ACOXL: variants seen among roughly 807,000 people sequenced by gnomAD.
ACOXL encodes acyl-coenzyme A oxidase-like protein.
In ACOXL, 70 loss-of-function variants were observed where a neutral mutation model predicts 71.9. That is an observed-to-expected ratio of 0.97 (90% CI 0.80 to 1.19). The LOEUF is 1.19. ACOXL is among the 50% of genes most tolerant of loss of function. ACOXL has a pLI of 0.00. For missense variants in ACOXL, 703 were observed against 736.3 expected, an observed-to-expected ratio of 0.95 and a Z score of 0.52; for synonymous variants, 253 against 281.6, an observed-to-expected ratio of 0.90 and a Z score of 1.02.
intron 15 of ACOXL, among the ~76,000 whole-genome samples, chr2:111,043,707 T>G (rs1392257288): frequency 6.6e-6 from 1 of 152,008 alleles, no homozygotes; most frequent in East Asian, 1.9e-4. Flanking sequence ...GAAGCCTCAG[T>G]AAGGGAGGTC....
chr2:110,941,688 G>GA (rs2060875513), intron 12 of ACOXL, among the ~76,000 whole-genome samples: 1 of 152,058 alleles, frequency 6.6e-6, no homozygotes, highest in South Asian at 2.1e-4. Context: ...TAAAAGGGAA[G>GA]AAAATCAATC....
chr2:110,822,144 G>A (rs527328039), intron 9 of ACOXL, among the ~76,000 whole-genome samples: 7 of 152,166 alleles, frequency 4.6e-5, no homozygotes, highest in South Asian at 4.2e-4. Flanking sequence ...TGTTTCCTTC[G>A]TGGCTGGGAT....
intron 16 of ACOXL, among the ~76,000 whole-genome samples, chr2:111,076,672 AG>A (rs2067614640): frequency 6.6e-6 from 1 of 151,954 alleles, no homozygotes; most frequent in Non-Finnish European, 1.5e-5. Flanking sequence ...ATGTTGTGTT[AG>A]TTTCCTATGG....
intron 16 of ACOXL, among the ~76,000 whole-genome samples, chr2:111,056,850 G>C (rs1291390204): frequency 6.6e-6 from 1 of 151,620 alleles, no homozygotes. Context: ...GTCAGCAAAA[G>C]GGTCATTTTG....
In ACOXL at chr2:110,799,096, G is replaced by A; in HGVS notation, c.543G>A (p.Lys181=). The A allele has an allele frequency of 6.2e-7, 1 of 1,613,778 alleles. No individual in the cohort carries two copies. The highest frequency in any genetic ancestry group is 1.1e-5 in the South Asian group (1 of 91,064). The change falls in exon 7 of 18, where the codon AAG becomes AAA. Residue 181 remains lysine (K), a synonymous_variant. Coordinates refer to ENST00000439055, the MANE Select transcript of ACOXL (RefSeq NM_001142807.4). The stretch of plus-strand genomic sequence containing the variant: ...TCACAGCTATTGATATGATGTACAA[G>A]GAGGGTGAGTCCCCAGGTGCCCTTT... ...PGVTAIDMMY[K]EGLHGVDNGI... is the part of the protein sequence containing the mutation.
In ACOXL at chr2:110,977,374, A is replaced by T. The variant is rs571606700; in HGVS notation, c.1060-9734A>T. ...ACCCCAGCCTGGGTGACAGAGTGAG[A>T]CTCCGTCTCAAAAAAAAAAAAGAAA... On this transcript the variant is annotated intron_variant, in intron 12 of 17. Transcript: ENST00000439055. Among the ~76,000 whole-genome samples, 112 of 145,934 alleles carry T rather than the reference A, an allele frequency of 7.7e-4. No homozygotes were observed. In the Middle Eastern group the frequency reaches 0.014, roughly 18 times the overall value.
intron 9 of ACOXL, among the ~76,000 whole-genome samples, chr2:110,836,929 T>G (rs1690539524): frequency 6.6e-6 from 1 of 152,214 alleles, no homozygotes; most frequent in Non-Finnish European, 1.5e-5. Context: ...CCAAATCCTG[T>G]TGACATGTTT....
intron 9 of ACOXL, among the ~76,000 whole-genome samples, chr2:110,833,394 A>G (rs780474151): frequency 6.6e-6 from 1 of 152,218 alleles, no homozygotes; most frequent in African/African-American, 2.4e-5. Context: ...AGAGCAGATT[A>G]GCGGCTGCCA....
At chr2:110,963,440 A>G (rs1001575646) in intron 12 of ACOXL, among the ~76,000 whole-genome samples, 6 of 152,232 alleles carry the variant, frequency 3.9e-5, no homozygotes, top group African/African-American at 1.4e-4. Flanking sequence ...TAAGGAATCA[A>G]AATTCTTACA....
intron 10 of ACOXL, among the ~76,000 whole-genome samples, chr2:110,848,757 GC>G (rs1692222778): frequency 6.6e-6 from 1 of 152,124 alleles, no homozygotes; most frequent in Admixed American, 6.5e-5. Flanking sequence ...TGACATGTAT[GC>G]TGCCACACCT....
intron 11 of ACOXL, among the ~76,000 whole-genome samples, chr2:110,920,782 G>C (rs1223244942): frequency 6.6e-6 from 1 of 152,062 alleles, no homozygotes; most frequent in African/African-American, 2.4e-5. Flanking sequence ...TTTGGGGATA[G>C]TCTGCCTATT....
chr2:110,862,696 G>C (rs1694097529), intron 10 of ACOXL, among the ~76,000 whole-genome samples: 1 of 152,194 alleles, frequency 6.6e-6, no homozygotes, highest in Non-Finnish European at 1.5e-5. Context: ...TTCTGTGTGT[G>C]CCCCGGCGAA....
intron 15 of ACOXL, 62 bp downstream of exon 15, chr2:111,031,776 G>A (rs1380058759): frequency 3.0e-5 from 45 of 1,504,442 alleles, no homozygotes; most frequent in Non-Finnish European, 4.6e-6. Context: ...GGTCCCTGGA[G>A]ACACAGCTCT....
intron 10 of ACOXL, among the ~76,000 whole-genome samples, chr2:110,875,905 G>A (rs1039080696): frequency 2.6e-5 from 4 of 152,124 alleles, no homozygotes; most frequent in Non-Finnish European, 5.9e-5. Context: ...CTGGCTCAAG[G>A]ACATGCAGGA....
At chr2:110,979,053 G>C (rs1015652316) in intron 12 of ACOXL, among the ~76,000 whole-genome samples, 1 of 151,996 alleles carries the variant, frequency 6.6e-6, no homozygotes, top group Non-Finnish European at 1.5e-5. Context: ...CAGGGTAGAG[G>C]GAGGCCAGGG....
At chr2:111,109,008 A>T (rs1296714070) in intron 17 of ACOXL, among the ~76,000 whole-genome samples, 1 of 152,142 alleles carries the variant, frequency 6.6e-6, no homozygotes, top group Non-Finnish European at 1.5e-5. Flanking sequence ...GGCTCAGCCC[A>T]TCTGTCCTCC....
At chr2:110,804,912 GGTTGTACAATTTC>G (rs1349326929) in intron 8 of ACOXL, among the ~76,000 whole-genome samples, 1 of 152,166 alleles carries the variant, frequency 6.6e-6, no homozygotes, top group Non-Finnish European at 1.5e-5. Context: ...TCATGGTGAT[GGTTGTACAATTTC>G]GTGACTATAC....
intron 5 of ACOXL, 119 bp from the exon 6 acceptor site, chr2:110,798,491 C>T (rs1336207132): frequency 1.5e-5 from 11 of 723,120 alleles, no homozygotes; most frequent in East Asian, 8.4e-5. Flanking sequence ...CTCCTGACCT[C>T]GTGATCCACC....
Position 110,806,185 on chromosome 2 carries a change from C to T in ACOXL, c.753+790C>T, listed in dbSNP as rs566741531. ...CAGGAAAGCCCTGCTTTACTTGCTT[C>T]GGGGTCGGCCACGCTTCACAGATGG... is the stretch of plus-strand genomic sequence containing the variant. On this transcript the variant is annotated intron_variant, in intron 9 of 17. Coordinates refer to ENST00000439055, the MANE Select transcript of ACOXL (RefSeq NM_001142807.4). Among the ~76,000 whole-genome samples the T allele has an allele frequency of 5.3e-5, 8 of 152,354 alleles. No homozygotes were observed. In the South Asian group the frequency reaches 1.2e-3, roughly 24 times the overall value.
Sources: gnomAD v4.1 joint callset for allele counts (sites outside exome capture counted in the v4.1 genomes callset) on GRCh38, gnomAD v4.1.1 for gene constraint, MANE v1.5 for transcripts, NCBI Gene and HGNC (gene_info 2026-07-23, HGNC 2026-07-21) for gene names.